Variants in KCNJ6 observed in about 807,000 individuals in gnomAD.
KCNJ6 encodes the protein potassium inwardly rectifying channel subfamily J member 6, also known as G protein-activated inward rectifier potassium channel 2.
In KCNJ6, 9 loss-of-function variants were observed where a neutral mutation model predicts 34.2. That is an observed-to-expected ratio of 0.26 (90% CI 0.16 to 0.46). The LOEUF is 0.46. KCNJ6 is among the 20% of genes least tolerant of loss of function. The pLI is 1.00. For synonymous variants in KCNJ6, 196 were observed against 207.1 expected, an observed-to-expected ratio of 0.95 and a Z score of 0.46; for missense variants, 236 against 531.3, an observed-to-expected ratio of 0.44 and a Z score of 5.46.
rs546622477 is a variant in KCNJ6, at chr21:37,898,980, T to C, written c.-28+16904A>G. 6.6e-5 allele frequency among the ~76,000 whole-genome samples: 10 copies of C among 152,378 alleles called. No individual in the cohort carries two copies. In the East Asian group the frequency reaches 1.9e-3, roughly 29 times the overall value. ...GAAAAAAGTTTTAAATATCCTGCTT[T>C]AACAAGAAAATATTATCCAATGTTT... On this transcript the variant is annotated intron_variant, in intron 1 of 3. Transcript: ENST00000609713.
intron 2 of KCNJ6, among the ~76,000 whole-genome samples, chr21:37,814,831 G>A (rs1228046847): frequency 2.7e-5 from 4 of 150,446 alleles, no homozygotes; most frequent in Non-Finnish European, 5.9e-5. Flanking sequence ...CCAGGAGGCG[G>A]AGCTTGCAGT....
intron 1 of KCNJ6, among the ~76,000 whole-genome samples, chr21:37,854,745 T>G (rs78959385): frequency 1.5e-5 from 1 of 66,206 alleles, no homozygotes; most frequent in South Asian, 1.0e-3. Flanking sequence ...AAATATCACA[T>G]GAGATATTCA....
chr21:37,828,303 C>T (rs1038563542), intron 2 of KCNJ6, among the ~76,000 whole-genome samples: 14 of 152,146 alleles, frequency 9.2e-5, no homozygotes, highest in African/African-American at 3.4e-4. Flanking sequence ...ACTTTTTCCT[C>T]TCTGGGAAGC....
At chr21:37,886,373 C>T (rs534106534) in intron 1 of KCNJ6, among the ~76,000 whole-genome samples, 6 of 152,238 alleles carry the variant, frequency 3.9e-5, no homozygotes, top group Middle Eastern at 3.4e-3. Context: ...TGGGCACCAC[C>T]TGCAGGTCCT....
chr21:37,664,569 TTATA>T (rs571988079), intron 3 of KCNJ6, among the ~76,000 whole-genome samples: 4 of 152,112 alleles, frequency 2.6e-5, no homozygotes, highest in African/African-American at 9.6e-5. Context: ...ATTGGAAACT[TTATA>T]TGAAATAAAC....
chr21:37,848,825 C>A (rs2055523201), intron 1 of KCNJ6, among the ~76,000 whole-genome samples: 1 of 152,154 alleles, frequency 6.6e-6, no homozygotes, highest in Non-Finnish European at 1.5e-5. Flanking sequence ...GACCACATGG[C>A]TGCCAGAGTT....
intron 3 of KCNJ6, among the ~76,000 whole-genome samples, chr21:37,655,424 T>G (rs2054459307): frequency 6.6e-6 from 1 of 152,202 alleles, no homozygotes; most frequent in Non-Finnish European, 1.5e-5. Flanking sequence ...AGAAGCTGAA[T>G]GAACTCATTG....
At chr21:37,789,447 G>A (rs1379640232) in intron 2 of KCNJ6, among the ~76,000 whole-genome samples, 2 of 151,892 alleles carry the variant, frequency 1.3e-5, no homozygotes, top group Non-Finnish European at 2.9e-5. Flanking sequence ...TAGAGAGAGA[G>A]AGCCCTCATC....
chr21:37,869,670 C>T (rs944254162), intron 1 of KCNJ6, among the ~76,000 whole-genome samples: 2 of 152,252 alleles, frequency 1.3e-5, no homozygotes, highest in African/African-American at 4.8e-5. Context: ...TAGCCTCCCT[C>T]ACCCTTCAAG....
At chr21:37,720,801 G>A (rs867912266) in intron 2 of KCNJ6, among the ~76,000 whole-genome samples, 25 of 150,458 alleles carry the variant, frequency 1.7e-4, no homozygotes, top group Middle Eastern at 3.4e-3. Flanking sequence ...TCCGCTTCCC[G>A]GGTTCACGCC....
rs1390222150 is a variant in KCNJ6, at chr21:37,624,119, G to A, written c.*1040C>T. The A allele has an allele frequency of 6.6e-6, 1 of 152,156 alleles. No homozygotes were observed. 9.4% of individuals were successfully genotyped at this position (152,156 alleles called of 1,614,324 possible). ...TGTGAAAAGTAAAAACATACCTTTG[G>A]TGACAGGCTAGAGAATATTTCCTTC... On this transcript the variant is annotated 3_prime_UTR_variant, in exon 4 of 4. Transcript: ENST00000609713.
chr21:37,883,781 A>C (rs2055721633), intron 1 of KCNJ6, among the ~76,000 whole-genome samples: 1 of 152,188 alleles, frequency 6.6e-6, no homozygotes, highest in Non-Finnish European at 1.5e-5. Context: ...TCAGATTTGA[A>C]ATTGTCAGAT....
intron 3 of KCNJ6, among the ~76,000 whole-genome samples, chr21:37,688,382 A>T (rs3787816): frequency 0.02 from 3,007 of 148,018 alleles, 69 homozygotes; most frequent in African/African-American, 0.052. Context: ...TTTTTTTTTA[A>T]AAAATCTACT....
At chr21:37,897,661 C>G (rs950211852) in intron 1 of KCNJ6, among the ~76,000 whole-genome samples, 8 of 152,172 alleles carry the variant, frequency 5.3e-5, no homozygotes, top group Non-Finnish European at 1.2e-4. Context: ...CCTCACTTTT[C>G]TAAGCCTCTG....
chr21:37,727,854 G>A (rs1173951596), intron 2 of KCNJ6, among the ~76,000 whole-genome samples: 1 of 152,048 alleles, frequency 6.6e-6, no homozygotes, highest in East Asian at 1.9e-4. Context: ...TTTCAAGAAT[G>A]CTCTATTTCA....
intron 1 of KCNJ6, among the ~76,000 whole-genome samples, chr21:37,856,464 A>G (rs1276931781): frequency 6.6e-6 from 1 of 152,114 alleles, no homozygotes; most frequent in Non-Finnish European, 1.5e-5. Context: ...CTGGTTCTCT[A>G]TGAGAAGGTG....
chr21:37,646,577 C>T (rs1303759458), intron 3 of KCNJ6, among the ~76,000 whole-genome samples: 2 of 152,160 alleles, frequency 1.3e-5, no homozygotes, highest in African/African-American at 2.4e-5. Flanking sequence ...TTCCAGCAGC[C>T]GGTGTGCCGG....
chr21:37,842,752 G>C (rs995901208), intron 1 of KCNJ6, among the ~76,000 whole-genome samples: 1 of 152,188 alleles, frequency 6.6e-6, no homozygotes, highest in African/African-American at 2.4e-5. Context: ...CGGTTCATGT[G>C]AGTGTGCACA....
intron 3 of KCNJ6, among the ~76,000 whole-genome samples, chr21:37,674,459 G>A (rs1239710390): frequency 1.3e-5 from 2 of 151,926 alleles, no homozygotes; most frequent in African/African-American, 4.8e-5. Context: ...AGCTCTCCCT[G>A]GCCTGGTGCC....
Sources: gnomAD v4.1 joint callset for allele counts (sites outside exome capture counted in the v4.1 genomes callset) on GRCh38, gnomAD v4.1.1 for gene constraint, MANE v1.5 for transcripts, NCBI Gene and HGNC (gene_info 2026-07-23, HGNC 2026-07-21) for gene names.